ADAMTSL3: variants seen among roughly 807,000 people sequenced by gnomAD.
ADAMTSL3 encodes the protein ADAMTS like 3.
Under a neutral mutation model 201.7 loss-of-function variants are expected in ADAMTSL3, and 128 were observed. That is an observed-to-expected ratio of 0.63 (90% CI 0.55 to 0.73). The LOEUF is 0.73. Ranked by LOEUF, ADAMTSL3 falls within the 30% of genes least tolerant of loss-of-function variation. The pLI, the probability that ADAMTSL3 is intolerant of heterozygous loss-of-function variation, is 0.00. For synonymous variants in ADAMTSL3, 738 were observed against 748.4 expected (o/e 0.99, Z 0.23); for missense variants, 1,990 against 2,119.6 (o/e 0.94, Z 1.20).
chr15:83,829,421 T>C (rs1419474604), intron 6 of ADAMTSL3, among the ~76,000 whole-genome samples: 1 of 152,100 alleles, frequency 6.6e-6, no homozygotes, highest in African/African-American at 2.4e-5. Flanking sequence ...CTCTCTTTTC[T>C]TCTTTATTAG....
intron 15 of ADAMTSL3, among the ~76,000 whole-genome samples, chr15:83,900,239 A>C (rs1208409388): frequency 1.3e-5 from 2 of 152,190 alleles, no homozygotes; most frequent in African/African-American, 4.8e-5. Context: ...TCTGTGTCTT[A>C]TTCTCCTTAC....
chr15:83,821,881 C>G (rs2063875241), intron 6 of ADAMTSL3, among the ~76,000 whole-genome samples: 1 of 147,470 alleles, frequency 6.8e-6, no homozygotes, highest in South Asian at 2.2e-4. Flanking sequence ...GCTGACCCCC[C>G]CAACTCCCTC....
intron 3 of ADAMTSL3, among the ~76,000 whole-genome samples, chr15:83,758,775 A>G (rs1396105547): frequency 6.6e-6 from 1 of 152,032 alleles, no homozygotes; most frequent in Admixed American, 6.5e-5. Context: ...TTGTTGCTGA[A>G]TTGTAAGAAT....
intron 15 of ADAMTSL3, among the ~76,000 whole-genome samples, chr15:83,903,044 C>A (rs769084637): frequency 2.6e-5 from 4 of 152,026 alleles, no homozygotes; most frequent in African/African-American, 4.8e-5. Flanking sequence ...CACATCATTT[C>A]ATTCATAATT....
intron 19 of ADAMTSL3, among the ~76,000 whole-genome samples, chr15:83,947,475 A>G (rs2066675077): frequency 6.6e-6 from 1 of 152,034 alleles, no homozygotes; most frequent in African/African-American, 2.4e-5. Flanking sequence ...TTTTGAAGTT[A>G]TAAGAAAGGA....
chr15:83,955,535 C>T (rs2066843885), intron 19 of ADAMTSL3, among the ~76,000 whole-genome samples: 1 of 152,088 alleles, frequency 6.6e-6, no homozygotes, highest in African/African-American at 2.4e-5. Context: ...TACCCGAAGC[C>T]AGCATATCTC....
intron 23 of ADAMTSL3, among the ~76,000 whole-genome samples, chr15:83,995,365 C>G (rs957869573): frequency 1.3e-5 from 2 of 152,132 alleles, no homozygotes; most frequent in African/African-American, 4.8e-5. Flanking sequence ...CTTGGCAAAC[C>G]AGTAATAGAA....
chr15:83,992,088 C>G (rs371875894), intron 23 of ADAMTSL3, among the ~76,000 whole-genome samples: 2 of 152,116 alleles, frequency 1.3e-5, no homozygotes, highest in African/African-American at 4.8e-5. Context: ...TAATTAGATA[C>G]CTGTAGTTGC....
chr15:83,877,773 C>T (rs548430981), intron 9 of ADAMTSL3, among the ~76,000 whole-genome samples: 1 of 152,154 alleles, frequency 6.6e-6, no homozygotes, highest in South Asian at 2.1e-4. Context: ...CAATAATGTT[C>T]ATAATTTTTA....
intron 5 of ADAMTSL3, among the ~76,000 whole-genome samples, chr15:83,809,909 G>A (rs944202502): frequency 6.6e-6 from 1 of 151,906 alleles, no homozygotes; most frequent in African/African-American, 2.4e-5. Flanking sequence ...ATCAGTCCTG[G>A]GTAAGGGTTT....
chr15:84,020,147 A>G (rs1234524750), intron 25 of ADAMTSL3, among the ~76,000 whole-genome samples: 1 of 152,142 alleles, frequency 6.6e-6, no homozygotes, highest in African/African-American at 2.4e-5. Flanking sequence ...TTTATTGTGT[A>G]TGAATTATAC....
At chr15:83,921,703 T>G (rs1031637943) in intron 16 of ADAMTSL3, among the ~76,000 whole-genome samples, 2 of 152,214 alleles carry the variant, frequency 1.3e-5, no homozygotes, top group Admixed American at 6.5e-5. Context: ...GTATGTATTT[T>G]GAGACAGAGT....
chr15:83,939,625 CTTT>C lies in ADAMTSL3; in HGVS notation c.2118-2958_2118-2956del, dbSNP rs561880272. ...TCTTGTTGGTCTTTTGAAGGACCAA[CTTT>C]TTTTTTTTTTTTAGACAGAGTCTTG... On this transcript the variant is annotated intron_variant, in intron 17 of 29. Coordinates refer to ENST00000286744, the MANE Select transcript of ADAMTSL3 (RefSeq NM_207517.3). Among the ~76,000 whole-genome samples the C allele has an allele frequency of 8.5e-3, 1,198 of 140,390 alleles. 13 individuals carry two copies. The highest frequency in any genetic ancestry group is 0.029 in the African/African-American group (1,120 of 38,496). 92.1% of individuals were successfully genotyped at this position (140,390 alleles called of 152,430 possible). A position where few individuals can be genotyped will look rare whatever the true frequency, so the allele number is the denominator to read the frequency against.
intron 2 of ADAMTSL3, among the ~76,000 whole-genome samples, chr15:83,662,136 C>A (rs890769935): frequency 6.9e-6 from 1 of 145,234 alleles, no homozygotes; most frequent in African/African-American, 2.6e-5. Flanking sequence ...ATGTTTATTG[C>A]GGCATTATTC....
chr15:84,012,865 G>T (rs1449656549), intron 23 of ADAMTSL3, among the ~76,000 whole-genome samples: 1 of 152,152 alleles, frequency 6.6e-6, no homozygotes, highest in Non-Finnish European at 1.5e-5. Flanking sequence ...ACATAATGAA[G>T]TTCCTACTCT....
intron 7 of ADAMTSL3, among the ~76,000 whole-genome samples, chr15:83,852,896 G>T (rs868865253): frequency 2.6e-5 from 4 of 151,986 alleles, no homozygotes; most frequent in Admixed American, 2.0e-4. Context: ...TCACTCTGTC[G>T]CCCAGGCTGG....
At chr15:83,948,829 A>G (rs1478308632) in intron 19 of ADAMTSL3, among the ~76,000 whole-genome samples, 1 of 152,084 alleles carries the variant, frequency 6.6e-6, no homozygotes, top group Non-Finnish European at 1.5e-5. Context: ...TTTTATTATG[A>G]ATCACTAGGC....
chr15:84,019,892 CAAAAAAA>C (rs1219615275), intron 25 of ADAMTSL3, among the ~76,000 whole-genome samples: 5 of 65,194 alleles, frequency 7.7e-5, no homozygotes, highest in South Asian at 6.0e-4. Context: ...GACTCTGTCT[CAAAAAAA>C]AAAAAAAAAA....
chr15:83,891,450 T>C, intron 12 of ADAMTSL3, 71 bp downstream of exon 12: 1 of 1,274,288 alleles, frequency 7.8e-7, no homozygotes, highest in East Asian at 2.3e-5. Context: ...TCTGTAGCAA[T>C]AGCCTAAAAT....
Sources: gnomAD v4.1 joint callset for allele counts (sites outside exome capture counted in the v4.1 genomes callset) on GRCh38, gnomAD v4.1.1 for gene constraint, MANE v1.5 for transcripts, NCBI Gene and HGNC (gene_info 2026-07-23, HGNC 2026-07-21) for gene names.